The following FLNA variants were observed in gnomAD, a reference collection of about 807,000 sequenced individuals.
FLNA encodes the protein filamin A.
FLNA carries 7 observed loss-of-function variants against 157.6 expected under a neutral mutation model. The observed-to-expected ratio is 0.04, with a 90% CI of 0.03 to 0.08. The LOEUF (loss-of-function observed/expected upper bound fraction) is 0.08. Ranked by LOEUF, FLNA falls within the 10% of genes least tolerant of loss-of-function variation. The probability of loss-of-function intolerance (pLI) is 1.00; values close to 1 mark genes in which losing one functional copy is unlikely to be tolerated. For missense variants in FLNA, 1,750 were observed against 2,398.4 expected, an observed-to-expected ratio of 0.73 and a Z score of 5.65; for synonymous variants, 1,103 against 1,060.8, an observed-to-expected ratio of 1.04 and a Z score of -0.77.
Position 154,365,199 on chromosome X carries a change from T to A in FLNA, c.1628A>T (p.Tyr543Phe). 1 of 1,210,949 alleles carries A rather than the reference T, an allele frequency of 8.3e-7. No homozygotes were observed. Among genetic ancestry groups the A allele is most frequent in the Non-Finnish European group, 1.1e-6 (1 of 894,974 alleles). The change falls in exon 11 of 48, where the codon TAC (tyrosine) becomes TTC (phenylalanine). Residue 543 changes from tyrosine to phenylalanine, a missense_variant. Physicochemically the swap from Tyr to Phe is conservative, Grantham distance 22 (BLOSUM62 3). Transcript: ENST00000369850. ...LGDGVYGFEY[Y>F]PMVPGTYIVT... ...GATATAGGTTCCAGGGACCATGGGG[T>A]AATACTCGAAGCCATACACGCCATC...
intron 5 of FLNA, 79 bp downstream of exon 5, chrX:154,367,318 G>T: frequency 9.2e-7 from 1 of 1,090,734 alleles, no homozygotes; most frequent in Non-Finnish European, 1.3e-6. Context: ...GACCCCTGGG[G>T]ACCGCCACGT....
At chrX:154,361,867 G>T in intron 19 of FLNA, 80 bp from the exon 20 acceptor site, 1 of 1,098,575 alleles carries the variant, frequency 9.1e-7, no homozygotes, top group Non-Finnish European at 1.3e-6. Context: ...CTCCATGCCT[G>T]TCCTCTCCCA....
rs782197194 is a variant in FLNA at position 154,351,741 on chromosome X, C to T, written c.6908-45G>A. 3.6e-6 allele frequency: 4 copies of T among 1,098,232 alleles called. No homozygotes were observed. The African/African-American group carries it at 5.5e-5, about 15-fold the overall frequency. 90.5% of individuals were successfully genotyped at this position (1,098,232 alleles called of 1,213,427 possible). A position where few individuals can be genotyped will look rare whatever the true frequency, so the allele number is the denominator to read the frequency against. The stretch of plus-strand genomic sequence containing the variant: ...AAGACCGGCTCATCAGCCTTTGGGC[C>T]TCCCACCTCCCACGAACAGCCTGGG... On this transcript the variant is annotated intron_variant, in intron 42 of 47. Transcript: ENST00000369850.
chrX:154,362,366 G>A lies in FLNA; in HGVS notation c.2566-34C>T, dbSNP rs376537933. 26 of 1,207,360 alleles carry A rather than the reference G, an allele frequency of 2.2e-5. No homozygotes were observed. The Admixed American group carries it at 2.2e-4, about 10-fold the overall frequency. ...AGTGGGAGGAGAAGGCCTTAGAGGA[G>A]GGCAGACGTCATCCGCAATGACATC... On this transcript the variant is annotated intron_variant, in intron 17 of 47. Coordinates refer to ENST00000369850, the MANE Select transcript of FLNA (RefSeq NM_001110556.2).
In FLNA at chrX:154,360,520, G is replaced by C; in HGVS notation, c.3275C>G (p.Thr1092Ser). ...CAGGCCACCTGTGCCGGCGCCCTTG[G>C]TGTCGATGGTGAAGCGGGCGGGGGA... ...AGSPARFTID[T>S]KGAGTGGLGL... The change falls in exon 22 of 48, where the codon ACC becomes AGC. Residue 1092 changes from threonine to serine, a missense_variant. Around this residue, in one of 5 missense-constraint regions of FLNA, gnomAD observed 648 missense variants for 805.8 expected, o/e 0.80. Transcript: ENST00000369850. 7 of 1,210,920 alleles carry C rather than the reference G, an allele frequency of 5.8e-6. No individual in the cohort carries two copies. The highest frequency in any genetic ancestry group is 7.8e-6 in the Non-Finnish European group (7 of 895,399).
rs375163471 is a variant in FLNA at position 154,358,295 on chromosome X, G to A, written c.4659C>T (p.Pro1553=). The A allele has an allele frequency of 9.3e-5, 113 of 1,209,466 alleles. No individual in the cohort carries two copies. The highest frequency in any genetic ancestry group is 1.8e-4 in the South Asian group (10 of 56,878). Residue 1553 remains proline, a synonymous_variant, in exon 28 of 48, where the codon CCC becomes CCT. Coordinates refer to ENST00000369850, the MANE Select transcript of FLNA (RefSeq NM_001110556.2). The part of the protein sequence containing the change: ...HDASKVKASG[P]GLNTTGVPAS... Reference sequence around the variant, plus strand: ...CAGGCACGCCAGTGGTGTTGAGCCCGGGGCCACTGGCCTTCACCTTGCTGG... The same window carrying A: ...CAGGCACGCCAGTGGTGTTGAGCCCAGGGCCACTGGCCTTCACCTTGCTGG...
rs1354622097 is a variant in FLNA, at chrX:154,365,196, G to C, written c.1631C>G (p.Pro544Arg). The C allele has an allele frequency of 2.5e-6, 3 of 1,209,988 alleles. No individual in the cohort carries two copies. The change falls in exon 11 of 48, where the codon CCC becomes CGC. Residue 544 changes from proline to arginine, a missense_variant. Transcript: ENST00000369850. ...GDGVYGFEYY[P>R]MVPGTYIVTI... is the part of the protein sequence containing the mutation. Reference sequence around the variant, plus strand: ...GACGATATAGGTTCCAGGGACCATGGGGTAATACTCGAAGCCATACACGCC... The same window carrying C: ...GACGATATAGGTTCCAGGGACCATGCGGTAATACTCGAAGCCATACACGCC...
At chrX:154,367,128 C>T (rs1286867644) in intron 5 of FLNA, among the ~76,000 whole-genome samples, 1 of 112,135 alleles carries the variant, frequency 8.9e-6, no homozygotes, top group African/African-American at 3.2e-5. Context: ...GTTACTGAGA[C>T]CTGGTTCATC....
At chrX:154,365,613 CAG>C in intron 9 of FLNA, 127 bp from the exon 10 acceptor site, 1 of 848,281 alleles carries the variant, frequency 1.2e-6, no homozygotes, top group Non-Finnish European at 1.7e-6. Context: ...ACATGCAAGA[CAG>C]AACTGGAAGG....
rs782385981 is a variant in FLNA at position 154,366,721 on chromosome X, G to C, written c.987+11C>G. The stretch of plus-strand genomic sequence containing the variant: ...CGCTGCGGGGCCTCTGCTGCCAGCA[G>C]CTGGCCCTACCTCCTCCTGGTGTCC... On this transcript the variant is annotated intron_variant, in intron 6 of 47. Coordinates refer to ENST00000369850, the MANE Select transcript of FLNA (RefSeq NM_001110556.2). 1.7e-6 allele frequency: 2 copies of C among 1,201,571 alleles called. No homozygotes were observed. Among genetic ancestry groups the C allele is most frequent in the East Asian group, 3.0e-5 (1 of 33,826 alleles).
chrX:154,365,011 G>A, intron 11 of FLNA, 54 bp from the exon 12 acceptor site: 2 of 1,208,568 alleles, frequency 1.7e-6, no homozygotes, highest in Non-Finnish European at 2.2e-6. Flanking sequence ...ATGAGCCAGC[G>A]TGGGCCCCAC....
At position 154,349,769 on chromosome X, in the gene FLNA, C is replaced by T. The variant is rs1345049208; in HGVS notation, c.7432G>A (p.Glu2478Lys). The T allele has an allele frequency of 8.3e-7, 1 of 1,210,327 alleles. No homozygotes were observed. The highest frequency in any genetic ancestry group is 1.1e-6 in the Non-Finnish European group (1 of 895,099). The change falls in exon 46 of 48, where the codon GAG becomes AAG. Residue 2478 changes from glutamate (E) to lysine (K), a missense_variant. By Grantham distance (56) the Glu-to-Lys change is moderately conservative. Around this residue, in one of 5 missense-constraint regions of FLNA, gnomAD observed 970 missense variants for 1,302.6 expected, o/e 0.74. Coordinates refer to ENST00000369850, the MANE Select transcript of FLNA (RefSeq NM_001110556.2). ...GPSKVKMDCQ[E>K]CPEGYRVTYT... ...GTGACGCGGTAGCCCTCAGGGCACT[C>T]CTGGCAATCCATCTTCACCTTGGAG...
Position 154,361,447 on chromosome X carries a change from C to G in FLNA, c.3068G>C (p.Gly1023Ala). The change falls in exon 21 of 48, where the codon GGC becomes GCC. Residue 1023 changes from glycine to alanine, a missense_variant. By Grantham distance (60) the Gly-to-Ala change is moderately conservative. Coordinates refer to ENST00000369850, the MANE Select transcript of FLNA (RefSeq NM_001110556.2). ...GAAVPCKVEPGLGADNSVVRF... is the reference protein window; with the variant it reads ...GAAVPCKVEPALGADNSVVRF... The stretch of plus-strand genomic sequence containing the variant: ...CACCACACTGTTGTCAGCCCCCAGG[C>G]CTGGCTCCACCTTGCAGGGCACCGC... 2.5e-6 allele frequency: 3 copies of G among 1,211,357 alleles called. No individual in the cohort carries two copies. Among genetic ancestry groups the G allele is most frequent in the Non-Finnish European group, 3.4e-6 (3 of 895,480 alleles).
At position 154,360,291 on chromosome X, in the gene FLNA, G is replaced by A. The variant is rs368009936; in HGVS notation, c.3504C>T (p.Pro1168=). The change falls in exon 22 of 48, where the codon CCC becomes CCT. Residue 1168 remains proline (P), a synonymous_variant. Coordinates refer to ENST00000369850, the MANE Select transcript of FLNA (RefSeq NM_001110556.2). ...FDASKVKCSG[P]GLERATAGEV... Reference sequence around the variant, plus strand: ...CCCCAGCGGTGGCCCGCTCCAGCCCGGGGCCTGAGCACTTGACTTTGGATG... The same window carrying A: ...CCCCAGCGGTGGCCCGCTCCAGCCCAGGGCCTGAGCACTTGACTTTGGATG... 97 of 1,211,130 alleles carry A rather than the reference G, an allele frequency of 8.0e-5. No individual in the cohort carries two copies. The highest frequency in any genetic ancestry group is 2.3e-4 in the Middle Eastern group (1 of 4,355).
chrX:154,368,274 A>C (rs913928880), intron 2 of FLNA, among the ~76,000 whole-genome samples, 184 bp from the exon 3 acceptor site: 22 of 111,128 alleles, frequency 2.0e-4, no homozygotes, highest in African/African-American at 7.2e-4. Context: ...GGGTGTTCAG[A>C]GGTGAAGGAG....
chrX:154,357,390 G>A, intron 29 of FLNA, 44 bp downstream of exon 29: 1 of 1,198,583 alleles, frequency 8.3e-7, no homozygotes, highest in Non-Finnish European at 1.1e-6. Context: ...CACAACCCAA[G>A]CCCCGTGCCG....
chrX:154,359,504 G>A lies in FLNA; in HGVS notation c.4122C>T (p.Asn1374=). The change falls in exon 24 of 48, where the codon AAC becomes AAT. Residue 1374 remains asparagine, a synonymous_variant. Coordinates refer to ENST00000369850, the MANE Select transcript of FLNA (RefSeq NM_001110556.2). ...GIQSGTTNKP[N]KFTVETRGAG... ...CTTACCTGGTCTCCACAGTGAACTT[G>A]TTGGGCTTGTTGGTGGTGCCACTTT... 2 of 1,211,583 alleles carry A rather than the reference G, an allele frequency of 1.7e-6. No homozygotes were observed. Among genetic ancestry groups the A allele is most frequent in the East Asian group, 3.0e-5 (1 of 33,828 alleles).
chrX:154,359,745 C>T lies in FLNA; in HGVS notation c.3966G>A (p.Thr1322=), dbSNP rs1375067988. 1.7e-5 allele frequency: 21 copies of T among 1,209,157 alleles called. No individual in the cohort carries two copies. The highest frequency in any genetic ancestry group is 2.2e-5 in the Non-Finnish European group (20 of 895,086). ...CCCAGCACGCACCCTCCTCGTAAGGCGTGTACTCCACTTTGTACATGCCAT... is the reference window on the plus strand; with the variant it reads ...CCCAGCACGCACCCTCCTCGTAAGGTGTGTACTCCACTTTGTACATGCCAT... ...RGDGMYKVEY[T]PYEEGLHSVD... The change falls in exon 23 of 48, where the codon ACG becomes ACA. Residue 1322 remains threonine (T), a synonymous_variant. Coordinates refer to ENST00000369850, the MANE Select transcript of FLNA (RefSeq NM_001110556.2).
At chrX:154,372,913 G>A (rs891199657) in intron 1 of FLNA, among the ~76,000 whole-genome samples, 3 of 112,217 alleles carry the variant, frequency 2.7e-5, no homozygotes, top group Non-Finnish European at 5.6e-5. Context: ...GCTGTGATCC[G>A]CCCAGCACAT....
Sources: allele counts gnomAD v4.1 joint callset (sites outside exome capture counted in the v4.1 genomes callset), GRCh38; gene constraint gnomAD v4.1.1; regional missense constraint gnomAD v4.1.1; transcripts MANE v1.5; gene names NCBI Gene and HGNC (gene_info 2026-07-23, HGNC 2026-07-21).